GNB5: variants seen among roughly 807,000 people sequenced by gnomAD.
GNB5 encodes G protein subunit beta 5.
GNB5 carries 37 observed loss-of-function variants against 55.3 expected under a neutral mutation model. That is an observed-to-expected ratio of 0.67 (90% CI 0.51 to 0.88). GNB5 has a LOEUF of 0.88. GNB5 is among the 40% of genes least tolerant of loss of function. The pLI is 0.00. For missense variants in GNB5, 476 were observed against 515.3 expected (o/e 0.92, Z 0.74); for synonymous variants, 219 against 198.5 (o/e 1.10, Z -0.87).
At chr15:52,153,886 C>G (rs2034151616) in intron 4 of GNB5, 54 bp downstream of exon 4, 3 of 1,531,426 alleles carry the variant, frequency 2.0e-6, no homozygotes, top group Admixed American at 1.7e-5. Context: ...TCTCCTCCCC[C>G]TTAGCTATAA....
chr15:52,168,199 G>A (rs2034487468), intron 3 of GNB5, among the ~76,000 whole-genome samples: 1 of 152,192 alleles, frequency 6.6e-6, no homozygotes, highest in South Asian at 2.1e-4. Context: ...TAGGAAGAGA[G>A]AAGTCAAATT....
chr15:52,174,049 T>A (rs1308419376), intron 3 of GNB5, among the ~76,000 whole-genome samples: 1 of 152,158 alleles, frequency 6.6e-6, no homozygotes, highest in African/African-American at 2.4e-5. Flanking sequence ...GGGCCCAACA[T>A]AATCACATGG....
intron 2 of GNB5, chr15:52,180,939 G>T (rs981793527): frequency 6.6e-6 from 1 of 152,258 alleles, no homozygotes; most frequent in African/African-American, 2.4e-5. Flanking sequence ...GGAGAGACAG[G>T]ATTTGGACCC....
intron 3 of GNB5, among the ~76,000 whole-genome samples, chr15:52,179,394 C>A (rs909980768): frequency 3.3e-5 from 5 of 152,194 alleles, no homozygotes. Flanking sequence ...CGCGCCTACA[C>A]GGGCTCGCCG....
At chr15:52,178,472 T>C (rs1159184005) in intron 3 of GNB5, among the ~76,000 whole-genome samples, 2 of 152,172 alleles carry the variant, frequency 1.3e-5, no homozygotes, top group East Asian at 1.9e-4. Flanking sequence ...ATTATAATCA[T>C]GGGGCAAATG....
At position 52,141,153 on chromosome 15, in the gene GNB5, T is replaced by G; in HGVS notation, c.614A>C (p.Asn205Thr). 4 of 1,614,034 alleles carry G rather than the reference T, an allele frequency of 2.5e-6. No homozygotes were observed. Among genetic ancestry groups the G allele is most frequent in the African/African-American group, 1.3e-5 (1 of 75,022 alleles). Residue 205 changes from asparagine (N) to threonine (T), a missense_variant, in exon 7 of 13, where the codon AAC becomes ACC. Physicochemically the swap from Asn to Thr is moderately conservative, Grantham distance 65. Transcript: ENST00000261837. ...TNYLSACSFTNSDMQILTASG... is the reference protein window; with the variant it reads ...TNYLSACSFTTSDMQILTASG... The stretch of plus-strand genomic sequence containing the variant: ...CTGCCTATTTACCTGCATGTCAGAG[T>G]TGGTGAAGCTGCAGGCCGACAGGTA...
At chr15:52,160,451 G>C (rs1397258392) in intron 3 of GNB5, among the ~76,000 whole-genome samples, 1 of 152,176 alleles carries the variant, frequency 6.6e-6, no homozygotes, top group African/African-American at 2.4e-5. Flanking sequence ...ACATGACCCG[G>C]AGAGCAACGG....
chr15:52,169,426 T>C (rs1204591110), intron 3 of GNB5, among the ~76,000 whole-genome samples: 1 of 149,638 alleles, frequency 6.7e-6, no homozygotes, highest in African/African-American at 2.5e-5. Context: ...TAATCCCAGC[T>C]ATTCAGAAGG....
chr15:52,167,519 A>T (rs1420497648), intron 3 of GNB5, among the ~76,000 whole-genome samples: 1 of 152,040 alleles, frequency 6.6e-6, no homozygotes, highest in Non-Finnish European at 1.5e-5. Context: ...AAAATACAAA[A>T]AATTAGCCGG....
intron 1 of GNB5, 31 bp from the exon 2 acceptor site, chr15:52,184,725 G>GT: frequency 6.3e-7 from 1 of 1,586,352 alleles, no homozygotes; most frequent in Non-Finnish European, 8.6e-7. Context: ...GGGAGGGGGT[G>GT]TGAGAAAAGC....
intron 1 of GNB5, among the ~76,000 whole-genome samples, chr15:52,188,728 A>T (rs750518051): frequency 5.3e-5 from 8 of 152,220 alleles, no homozygotes; most frequent in Non-Finnish European, 1.2e-4. Context: ...TGCCAAGCAC[A>T]AACTTTCTTT....
At chr15:52,124,880 T>C in intron 11 of GNB5, 1 of 401,752 alleles carries the variant, frequency 2.5e-6, no homozygotes. Context: ...GCAAGTGCTT[T>C]ACACACGTAA....
chr15:52,186,342 A>G (rs77434947), intron 1 of GNB5, among the ~76,000 whole-genome samples: 7,492 of 152,274 alleles, frequency 0.049, 239 homozygotes, highest in African/African-American at 0.087. Context: ...TGGGCCTTCC[A>G]GGAATCTGTC....
intron 3 of GNB5, among the ~76,000 whole-genome samples, chr15:52,172,067 C>A (rs1483409852): frequency 6.6e-6 from 1 of 152,192 alleles, no homozygotes; most frequent in Non-Finnish European, 1.5e-5. Context: ...GCCTGTCTTG[C>A]AGATTATTCC....
At chr15:52,170,105 T>C (rs2034529622) in intron 3 of GNB5, among the ~76,000 whole-genome samples, 1 of 152,186 alleles carries the variant, frequency 6.6e-6, no homozygotes, top group Non-Finnish European at 1.5e-5. Context: ...GCTTCTACAC[T>C]GTTGGTGGGA....
chr15:52,181,130 G>C (rs1262131942), intron 2 of GNB5: 1 of 152,248 alleles, frequency 6.6e-6, no homozygotes, highest in Admixed American at 6.5e-5. Context: ...CCACCTCTCT[G>C]TACCTGCTCC....
intron 4 of GNB5, among the ~76,000 whole-genome samples, chr15:52,152,607 G>C (rs935943000): frequency 8.6e-5 from 13 of 150,324 alleles, no homozygotes; most frequent in African/African-American, 3.2e-4. Flanking sequence ...TTACAGGCGT[G>C]AGCCACCATG....
At chr15:52,133,337 C>T (rs765205624) in intron 9 of GNB5, 41 bp downstream of exon 9, 9 of 1,345,522 alleles carry the variant, frequency 6.7e-6, no homozygotes, top group African/African-American at 2.9e-5. Context: ...CAGGCAATGC[C>T]GGCAGAACAG....
In GNB5 at chr15:52,146,509, C is replaced by A. The variant is rs149395210; in HGVS notation, c.494+950G>T. 4.5e-3 allele frequency among the ~76,000 whole-genome samples: 679 copies of A among 152,220 alleles called. 3 individuals are homozygous for A. The highest frequency in any genetic ancestry group is 7.4e-3 in the Non-Finnish European group (503 of 68,016). ...TATGATATTCCATTCAATTCGTGTA[C>A]CACAATTCACTTAAGTTTTCTTGGA... On this transcript the variant is annotated intron_variant, in intron 6 of 12. Transcript: ENST00000261837.
Sources: allele counts gnomAD v4.1 joint callset (sites outside exome capture counted in the v4.1 genomes callset), GRCh38; gene constraint gnomAD v4.1.1; transcripts MANE v1.5; gene names NCBI Gene and HGNC (gene_info 2026-07-23, HGNC 2026-07-21).